Variants in TNIK observed in about 807,000 individuals in gnomAD.
TNIK encodes the protein TRAF2 and NCK-interacting protein kinase.
Under a neutral mutation model 191.3 loss-of-function variants are expected in TNIK, and 49 were observed. The ratio of observed to expected loss-of-function variants is 0.26; its 90% CI spans 0.20 to 0.32. TNIK has a LOEUF of 0.32. TNIK is among the 10% of genes least tolerant of loss of function. TNIK has a pLI of 1.00. For missense variants in TNIK, 1,155 were observed against 1,702.3 expected (o/e 0.68, Z 5.66); for synonymous variants, 594 against 600.9 (o/e 0.99, Z 0.17).
intron 1 of TNIK, among the ~76,000 whole-genome samples, chr3:171,395,407 C>A (rs943742788): frequency 6.6e-6 from 1 of 152,166 alleles, no homozygotes; most frequent in Non-Finnish European, 1.5e-5. Flanking sequence ...CCGTGCTTGG[C>A]ACTTAACAGG....
At chr3:171,339,891 G>A (rs1577540541) in intron 2 of TNIK, among the ~76,000 whole-genome samples, 1 of 152,260 alleles carries the variant, frequency 6.6e-6, no homozygotes, top group East Asian at 1.9e-4. Context: ...CTCCCAGTCT[G>A]CCTCTGCCTT....
At chr3:171,097,410 T>G (rs1223096662) in intron 22 of TNIK, among the ~76,000 whole-genome samples, 1 of 152,224 alleles carries the variant, frequency 6.6e-6, no homozygotes, top group African/African-American at 2.4e-5. Context: ...TGTGCACAAT[T>G]AAGTAAATGG....
chr3:171,424,685 A>G (rs960241660), intron 1 of TNIK, among the ~76,000 whole-genome samples: 2 of 151,946 alleles, frequency 1.3e-5, no homozygotes, highest in Non-Finnish European at 2.9e-5. Context: ...CCTTTGTAGG[A>G]ACATGGATGA....
At chr3:171,105,634 G>T (rs1724699662) in intron 21 of TNIK, among the ~76,000 whole-genome samples, 2 of 151,982 alleles carry the variant, frequency 1.3e-5, no homozygotes, top group South Asian at 4.2e-4. Context: ...TACCTCCATT[G>T]CCCCCTCTCA....
intron 2 of TNIK, among the ~76,000 whole-genome samples, chr3:171,329,773 A>G (rs1168128667): frequency 6.6e-6 from 1 of 152,214 alleles, no homozygotes; most frequent in Non-Finnish European, 1.5e-5. Flanking sequence ...ACTTTCTGCT[A>G]TTTTTGATTC....
At chr3:171,258,999 G>A (rs1350021220) in intron 2 of TNIK, among the ~76,000 whole-genome samples, 1 of 152,122 alleles carries the variant, frequency 6.6e-6, no homozygotes, top group Non-Finnish European at 1.5e-5. Context: ...AAATATTCAT[G>A]GGTCTATCAA....
chr3:171,442,953 A>T (rs992546593), intron 1 of TNIK, among the ~76,000 whole-genome samples: 1 of 152,226 alleles, frequency 6.6e-6, no homozygotes, highest in African/African-American at 2.4e-5. Context: ...CACAAGTTAC[A>T]TCTTTAAAAT....
chr3:171,178,277 G>T (rs528505165), intron 7 of TNIK, among the ~76,000 whole-genome samples: 1 of 152,156 alleles, frequency 6.6e-6, no homozygotes, highest in Admixed American at 6.5e-5. Flanking sequence ...ATTTCATATG[G>T]TTTTACCTAA....
At chr3:171,070,482 A>T (rs1230509219) in intron 29 of TNIK, among the ~76,000 whole-genome samples, 1 of 152,104 alleles carries the variant, frequency 6.6e-6, no homozygotes, top group Non-Finnish European at 1.5e-5. Flanking sequence ...TCAGAGAGAG[A>T]GAGTGAGAGA....
chr3:171,060,692 C>T lies in TNIK; in HGVS notation c.*3189G>A, dbSNP rs959311214. Among the ~76,000 whole-genome samples the T allele has an allele frequency of 6.6e-6, 1 of 152,132 alleles. No individual in the cohort carries two copies. Among genetic ancestry groups the T allele is most frequent in the Admixed American group, 6.5e-5 (1 of 15,270 alleles). On this transcript the variant is annotated 3_prime_UTR_variant, in exon 33 of 33. Transcript: ENST00000436636. ...ATGACAGTGGTCTGGCTGGAACTGGCAGGGGGAAGAGCCTCATTATTTGAA... is the reference window on the plus strand; with the variant it reads ...ATGACAGTGGTCTGGCTGGAACTGGTAGGGGGAAGAGCCTCATTATTTGAA...
At chr3:171,367,582 G>T (rs1374371033) in intron 2 of TNIK, among the ~76,000 whole-genome samples, 10 of 151,962 alleles carry the variant, frequency 6.6e-5, no homozygotes, top group Non-Finnish European at 1.5e-5. Context: ...AGATTCTCCT[G>T]CCTCAGCCTC....
intron 2 of TNIK, among the ~76,000 whole-genome samples, chr3:171,237,347 C>G (rs1363093386): frequency 6.6e-6 from 1 of 152,060 alleles, no homozygotes; most frequent in Non-Finnish European, 1.5e-5. Flanking sequence ...GGGAAAAAGA[C>G]TAGTAATGAA....
intron 3 of TNIK, among the ~76,000 whole-genome samples, chr3:171,214,638 A>G (rs1741245135): frequency 6.6e-6 from 1 of 152,198 alleles, no homozygotes; most frequent in Non-Finnish European, 1.5e-5. Flanking sequence ...AAGTAGTGGT[A>G]CCAAATTATC....
chr3:171,450,447 T>A (rs1338546600), intron 1 of TNIK, among the ~76,000 whole-genome samples: 1 of 152,186 alleles, frequency 6.6e-6, no homozygotes, highest in African/African-American at 2.4e-5. Context: ...ATGTTGGCAA[T>A]CCAGTTGAGG....
intron 1 of TNIK, among the ~76,000 whole-genome samples, chr3:171,394,688 G>A (rs1324002013): frequency 6.6e-6 from 1 of 152,148 alleles, no homozygotes; most frequent in Non-Finnish European, 1.5e-5. Flanking sequence ...TTCAATTCTT[G>A]TTACTCTTGG....
At chr3:171,139,615 G>T in intron 13 of TNIK, 59 bp from the exon 14 acceptor site, 1 of 1,569,590 alleles carries the variant, frequency 6.4e-7, no homozygotes, top group South Asian at 1.1e-5. Flanking sequence ...AAATGAACCA[G>T]TAATTTCAAA....
intron 1 of TNIK, among the ~76,000 whole-genome samples, chr3:171,410,193 G>C (rs1722199875): frequency 6.6e-6 from 1 of 152,106 alleles, no homozygotes; most frequent in African/African-American, 2.4e-5. Context: ...AGCATCTTCT[G>C]GTTTGCTATG....
chr3:171,152,724 G>C (rs970148242), intron 12 of TNIK, among the ~76,000 whole-genome samples: 1 of 152,034 alleles, frequency 6.6e-6, no homozygotes, highest in Non-Finnish European at 1.5e-5. Context: ...GGAAATGAAA[G>C]AATTTCTAGG....
At chr3:171,345,952 G>A (rs924695922) in intron 2 of TNIK, among the ~76,000 whole-genome samples, 5 of 152,102 alleles carry the variant, frequency 3.3e-5, no homozygotes, top group Non-Finnish European at 7.4e-5. Context: ...ATGAATGGAT[G>A]GATGGATGGT....
Sources: gnomAD v4.1 joint callset for allele counts (sites outside exome capture counted in the v4.1 genomes callset) on GRCh38, gnomAD v4.1.1 for gene constraint, MANE v1.5 for transcripts, NCBI Gene and HGNC (gene_info 2026-07-23, HGNC 2026-07-21) for gene names.